The following LAMA2 variants were observed in gnomAD, a reference collection of about 807,000 sequenced individuals.
LAMA2 encodes the protein laminin subunit alpha-2.
Under a neutral mutation model 364.8 loss-of-function variants are expected in LAMA2, and 269 were observed. The ratio of observed to expected loss-of-function variants is 0.74; its 90% CI spans 0.67 to 0.82. The LOEUF is 0.82. Ranked by LOEUF, LAMA2 falls within the 40% of genes least tolerant of loss-of-function variation. The pLI is 0.00. For missense variants in LAMA2, 3,807 were observed against 3,873.2 expected (o/e 0.98, Z 0.45); for synonymous variants, 1,379 against 1,370.6 (o/e 1.01, Z -0.14).
At chr6:129,384,878 T>C (rs1001556911) in intron 35 of LAMA2, among the ~76,000 whole-genome samples, 1 of 151,698 alleles carries the variant, frequency 6.6e-6, no homozygotes, top group Non-Finnish European at 1.5e-5. Context: ...AGCTATACTT[T>C]AGGGAAATAA....
intron 3 of LAMA2, among the ~76,000 whole-genome samples, chr6:129,077,774 T>C (rs2114831921): frequency 6.6e-6 from 1 of 152,360 alleles, no homozygotes; most frequent in East Asian, 1.9e-4. Context: ...AGATTCTTTT[T>C]CTGGAAGCTG....
At chr6:128,899,536 A>C (rs1253122077) in intron 1 of LAMA2, among the ~76,000 whole-genome samples, 2 of 152,186 alleles carry the variant, frequency 1.3e-5, no homozygotes, top group Admixed American at 1.3e-4. Flanking sequence ...GCACTCAAAA[A>C]TTGGATGAAG....
chr6:128,979,782 A>G (rs1279319080), intron 1 of LAMA2, among the ~76,000 whole-genome samples: 1 of 152,242 alleles, frequency 6.6e-6, no homozygotes. Context: ...GAAACCCAGC[A>G]AAGCTTAACA....
chr6:129,200,500 A>G (rs1285832357), intron 12 of LAMA2, among the ~76,000 whole-genome samples: 1 of 151,044 alleles, frequency 6.6e-6, no homozygotes, highest in Non-Finnish European at 1.5e-5. Context: ...ATGTACACAT[A>G]TATATGTGTG....
At chr6:129,368,599 A>C (rs1438032653) in intron 33 of LAMA2, among the ~76,000 whole-genome samples, 1 of 152,350 alleles carries the variant, frequency 6.6e-6, no homozygotes, top group South Asian at 2.1e-4. Context: ...TTTAAAACTA[A>C]TACTTAAGCA....
chr6:129,378,804 C>T (rs1314518563), intron 34 of LAMA2, among the ~76,000 whole-genome samples: 3 of 152,196 alleles, frequency 2.0e-5, no homozygotes, highest in African/African-American at 7.2e-5. Flanking sequence ...TCATACCTTC[C>T]TTTTCACCTG....
Position 129,201,115 on chromosome 6 carries a change from G to T in LAMA2, c.1782+8262G>T, listed in dbSNP as rs147690731. Among the ~76,000 whole-genome samples the T allele has an allele frequency of 4.6e-5, 7 of 152,280 alleles. No individual in the cohort carries two copies. In the East Asian group the frequency reaches 1.2e-3, roughly 25 times the overall value. On this transcript the variant is annotated intron_variant, in intron 12 of 64. Transcript: ENST00000421865. Reference sequence around the variant, plus strand: ...AACAGTTTTTAGACACTCTTCCACAGATAGCATAAAACTGTGATCTCTGAA... The same window carrying T: ...AACAGTTTTTAGACACTCTTCCACATATAGCATAAAACTGTGATCTCTGAA...
rs1583591845 is a variant in LAMA2 at position 129,370,113 on chromosome 6, G to A, written c.4959+123G>A. 6.3e-6 allele frequency: 5 copies of A among 796,276 alleles called. No individual in the cohort carries two copies. The East Asian group carries it at 8.0e-5, about 13-fold the overall frequency. 49.3% of individuals were successfully genotyped at this position (796,276 alleles called of 1,614,324 possible). ...AATTCCCAATTTGGTATATAAAATA[G>A]ATGTATTCTGACTTGCTAATTCTGC... On this transcript the variant is annotated intron_variant, in intron 34 of 64. Coordinates refer to ENST00000421865, the MANE Select transcript of LAMA2 (RefSeq NM_000426.4).
Position 129,402,369 on chromosome 6 carries a change from C to G in LAMA2, c.5608C>G (p.Leu1870Val), listed in dbSNP as rs914380880. 3 of 1,613,798 alleles carry G rather than the reference C, an allele frequency of 1.9e-6. No homozygotes were observed. In the South Asian group the frequency reaches 3.3e-5, roughly 18 times the overall value. Residue 1870 changes from leucine (L) to valine (V), a missense_variant, in exon 39 of 65, where the codon CTT (leucine) becomes GTT (valine). Transcript: ENST00000421865. Reference protein sequence around the residue: ...QTKLPPMSEELNDKIDDLSQE... With the variant: ...QTKLPPMSEEVNDKIDDLSQE... The stretch of plus-strand genomic sequence containing the variant: ...TAAATTGCCACCTATGTCTGAGGAG[C>G]TTAATGATAAAATAGATGACCTCTC...
Position 129,157,474 on chromosome 6 carries a change from G to A in LAMA2, c.1206+2791G>A. The A allele has an allele frequency of 2.5e-6, 4 of 1,604,512 alleles. No homozygotes were observed. In the South Asian group the frequency reaches 4.4e-5, roughly 18 times the overall value. On this transcript the variant is annotated intron_variant, in intron 8 of 64. Coordinates refer to ENST00000421865, the MANE Select transcript of LAMA2 (RefSeq NM_000426.4). The stretch of plus-strand genomic sequence containing the variant: ...CACTCTAATTCCACCCATGCCATGG[G>A]TAAAAACAGTTCTTGCAGTCTAGAG...
At chr6:129,513,484 T>C (rs12205363) in intron 63 of LAMA2, among the ~76,000 whole-genome samples, 7,685 of 152,276 alleles carry the variant, frequency 0.05, 244 homozygotes, top group Middle Eastern at 0.071. Context: ...AAGCCTGTTA[T>C]GCAAACTCCA....
intron 8 of LAMA2, among the ~76,000 whole-genome samples, chr6:129,159,546 T>C (rs1030588285): frequency 7.9e-5 from 12 of 152,222 alleles, no homozygotes; most frequent in African/African-American, 2.9e-4. Flanking sequence ...TCTAGTAGTT[T>C]TAAACTACAT....
At chr6:129,105,594 C>T (rs1775772498) in intron 4 of LAMA2, among the ~76,000 whole-genome samples, 1 of 152,148 alleles carries the variant, frequency 6.6e-6, no homozygotes, top group African/African-American at 2.4e-5. Flanking sequence ...GAACAGGGCA[C>T]CAGTTATTTA....
intron 32 of LAMA2, among the ~76,000 whole-genome samples, chr6:129,365,659 G>A (rs1030482484): frequency 9.5e-5 from 14 of 148,036 alleles, no homozygotes; most frequent in African/African-American, 3.2e-4. Context: ...CACCACACCC[G>A]GCCTTCTTTA....
chr6:129,175,716 A>T (rs182690985), intron 9 of LAMA2, among the ~76,000 whole-genome samples: 5 of 152,312 alleles, frequency 3.3e-5, no homozygotes, highest in Admixed American at 3.3e-4. Context: ...GGGGAGGAAC[A>T]GCATTAGGAG....
chr6:129,265,241 T>C (rs1272765841), intron 15 of LAMA2, among the ~76,000 whole-genome samples: 4 of 152,162 alleles, frequency 2.6e-5, no homozygotes, highest in African/African-American at 9.6e-5. Context: ...CTTAGATCTC[T>C]GGACTTGTTA....
chr6:128,992,725 C>G (rs1783681295), intron 1 of LAMA2, among the ~76,000 whole-genome samples: 1 of 152,106 alleles, frequency 6.6e-6, no homozygotes, highest in Admixed American at 6.6e-5. Context: ...TTCTGGTTAG[C>G]TAGACTAGGG....
intron 3 of LAMA2, among the ~76,000 whole-genome samples, chr6:129,083,407 A>G (rs1490876821): frequency 1.3e-5 from 2 of 152,350 alleles, no homozygotes; most frequent in East Asian, 3.9e-4. Context: ...AGCCAGTATC[A>G]TGAGAGCCCA....
chr6:128,981,946 A>G (rs572811327), intron 1 of LAMA2, among the ~76,000 whole-genome samples: 9 of 151,640 alleles, frequency 5.9e-5, no homozygotes, highest in Admixed American at 1.3e-4. Context: ...TAGGCACCCA[A>G]CCTCTCTGCT....
Sources: allele counts gnomAD v4.1 joint callset (sites outside exome capture counted in the v4.1 genomes callset), GRCh38; gene constraint gnomAD v4.1.1; transcripts MANE v1.5; gene names NCBI Gene and HGNC (gene_info 2026-07-23, HGNC 2026-07-21).